Variants in ZNF599 observed in about 807,000 individuals in gnomAD.
The protein encoded by ZNF599 is zinc finger protein 599.
Under a neutral mutation model 11.7 loss-of-function variants are expected in ZNF599, and 10 were observed. The observed-to-expected ratio is 0.86, with a 90% CI of 0.53 to 1.45. ZNF599 has a LOEUF of 1.45. Among genes scored for constraint, ZNF599 ranks in the 40% most tolerant of loss-of-function variants. The pLI is 0.00. For synonymous variants in ZNF599, 232 were observed against 253.2 expected, an observed-to-expected ratio of 0.92 and a Z score of 0.79; for missense variants, 688 against 713.6, an observed-to-expected ratio of 0.96 and a Z score of 0.41.
intron 1 of ZNF599, among the ~76,000 whole-genome samples, chr19:34,770,263 T>A (rs1039823857): frequency 1.3e-5 from 2 of 152,262 alleles, no homozygotes; most frequent in East Asian, 3.8e-4. Flanking sequence ...CAGAGTTGTA[T>A]GTCTAATGAG....
chr19:34,769,488 G>A lies in ZNF599; in HGVS notation c.86C>T (p.Ala29Val), dbSNP rs1449963356. 6.2e-7 allele frequency: 1 copy of A among 1,614,218 alleles called. No individual in the cohort carries two copies. The highest frequency in any genetic ancestry group is 8.5e-7 in the Non-Finnish European group (1 of 1,180,022). The change falls in exon 2 of 4, where the codon GCC becomes GTC. Residue 29 changes from alanine (A) to valine (V), a missense_variant. Ala to Val is a moderately conservative substitution (Grantham distance 64). Coordinates refer to ENST00000329285, the MANE Select transcript of ZNF599 (RefSeq NM_001007248.3). ...CACCTCCTGGTACAGGGTCCTCTGGGCCAGGTCCAGGTGCCCCCATTCCTC... is the reference window on the plus strand; with the variant it reads ...CACCTCCTGGTACAGGGTCCTCTGGACCAGGTCCAGGTGCCCCCATTCCTC... The part of the protein sequence containing the change: ...TGEEWGHLDL[A>V]QRTLYQEVML...
upstream of ZNF599, among the ~76,000 whole-genome samples, chr19:34,773,778 T>C (rs1176256811): frequency 3.3e-5 from 5 of 152,304 alleles, no homozygotes; most frequent in South Asian, 1.0e-3. Context: ...ACCAGACTCT[T>C]TAAATTCCAG....
At chr19:34,801,295 A>G in the ZNF599 span, among the ~76,000 whole-genome samples, 6 of 152,258 alleles carry the variant, frequency 3.9e-5, no homozygotes. Flanking sequence ...GTACATGGAC[A>G]GAGAATTTTC....
chr19:34,779,185 C>T, the ZNF599 span, among the ~76,000 whole-genome samples: 3 of 151,382 alleles, frequency 2.0e-5, no homozygotes, highest in South Asian at 4.2e-4. Flanking sequence ...AAGCAATCTT[C>T]CCACCACAGC....
intron 3 of ZNF599, among the ~76,000 whole-genome samples, chr19:34,766,571 G>T (rs1375240742): frequency 6.6e-6 from 1 of 152,180 alleles, no homozygotes; most frequent in Non-Finnish European, 1.5e-5. Flanking sequence ...AGCCACTCCG[G>T]GTCAGGCAGT....
At chr19:34,796,937 A>G in the ZNF599 span, among the ~76,000 whole-genome samples, 1 of 151,904 alleles carries the variant, frequency 6.6e-6, no homozygotes, top group Non-Finnish European at 1.5e-5. Context: ...CATGGTTGGC[A>G]TATCTCCAAA....
In ZNF599 at chr19:34,759,362, T is replaced by A. The variant is rs149200250; in HGVS notation, c.1439A>T (p.Glu480Val). ...NRTHSGQKPL[E>V]CKECAKAFYY... ...AAAGGCTTTTGCACATTCTTTGCAC[T>A]CCAAGGGTTTTTGTCCACTGTGGGT... The change falls in exon 4 of 4, where the codon GAG (glutamate) becomes GTG (valine). Residue 480 changes from glutamate (E) to valine (V), a missense_variant. By Grantham distance (121) the Glu-to-Val change is moderately radical (BLOSUM62 -2). Coordinates refer to ENST00000329285, the MANE Select transcript of ZNF599 (RefSeq NM_001007248.3). 359 of 1,613,674 alleles carry A rather than the reference T, an allele frequency of 2.2e-4. 2 individuals carry two copies. The African/African-American group carries it at 4.4e-3, about 20-fold the overall frequency.
chr19:34,772,620 C>G, intron 1 of ZNF599: 2 of 1,368,874 alleles, frequency 1.5e-6, no homozygotes, highest in Non-Finnish European at 1.9e-6. Context: ...ACAGGGACCT[C>G]TCCTTACAAC....
upstream of ZNF599, among the ~76,000 whole-genome samples, chr19:34,774,057 A>T (rs2069204232): frequency 6.6e-6 from 1 of 152,236 alleles, no homozygotes. Flanking sequence ...ACGTTGCAGC[A>T]TTTGGCGTAT....
chr19:34,759,985 C>G lies in ZNF599; in HGVS notation c.816G>C (p.Glu272Asp), dbSNP rs141702315. The change falls in exon 4 of 4, where the codon GAG becomes GAC. Residue 272 changes from glutamate (E) to aspartate (D), a missense_variant. Glu to Asp is a conservative substitution (Grantham distance 45, BLOSUM62 2). Transcript: ENST00000329285. Reference sequence around the variant, plus strand: ...TATCTCCGGTGTGAATACGCTGGTGCTCCGTGAGGTGAAACCTGCGTTTGA... The same window carrying G: ...TATCTCCGGTGTGAATACGCTGGTGGTCCGTGAGGTGAAACCTGCGTTTGA... ...KAFKRRFHLT[E>D]HQRIHTGDKP... The G allele has an allele frequency of 4.3e-6, 7 of 1,614,196 alleles. No individual in the cohort carries two copies. The South Asian group carries it at 7.7e-5, about 18-fold the overall frequency.
intron 1 of ZNF599, among the ~76,000 whole-genome samples, chr19:34,770,415 CACTCCTGAAAATATTGCCAGAGGT>C (rs1298109032): frequency 1.3e-5 from 2 of 152,194 alleles, no homozygotes; most frequent in Non-Finnish European, 2.9e-5. Context: ...CAATTTCAGC[CACTCCTGAAAATATTGCCAGAGGT>C]ATGGAAGGAA....
intron 3 of ZNF599, among the ~76,000 whole-genome samples, chr19:34,761,097 G>C (rs1157455365): frequency 6.6e-6 from 1 of 152,132 alleles, no homozygotes; most frequent in African/African-American, 2.4e-5. Flanking sequence ...TTGAGAGAAT[G>C]CTGATTGCTG....
At chr19:34,777,563 G>A (rs567620700), upstream of ZNF599, among the ~76,000 whole-genome samples, 185 of 119,664 alleles carry the variant, frequency 1.5e-3, no homozygotes, top group African/African-American at 5.6e-3. Context: ...ATAATATTAT[G>A]TATAAATATA....
chr19:34,784,666 C>A, the ZNF599 span, among the ~76,000 whole-genome samples: 1 of 151,968 alleles, frequency 6.6e-6, no homozygotes, highest in East Asian at 1.9e-4. Context: ...CCTAGTGTGT[C>A]CAGAGACTGG....
intron 1 of ZNF599, chr19:34,772,550 T>C (rs1292247180): frequency 3.0e-6 from 4 of 1,343,220 alleles, no homozygotes; most frequent in South Asian, 1.9e-5. Flanking sequence ...ACTCGCATTT[T>C]AGACCCGAGG....
At chr19:34,804,941 A>G in the ZNF599 span, among the ~76,000 whole-genome samples, 1 of 152,164 alleles carries the variant, frequency 6.6e-6, no homozygotes, top group African/African-American at 2.4e-5. Context: ...TCGGTATTGC[A>G]CAAAACCCTC....
chr19:34,780,645 AAG>A, the ZNF599 span, among the ~76,000 whole-genome samples: 579 of 137,310 alleles, frequency 4.2e-3, 15 homozygotes, highest in East Asian at 0.081. Context: ...AAAGGAAAGA[AAG>A]AGAGAGGGGG....
chr19:34,775,712 A>G (rs1325528410), upstream of ZNF599, among the ~76,000 whole-genome samples: 1 of 152,250 alleles, frequency 6.6e-6, no homozygotes, highest in African/African-American at 2.4e-5. Context: ...AGACCAAACC[A>G]AAGTTTGTGT....
chr19:34,780,761 G>A, the ZNF599 span, among the ~76,000 whole-genome samples: 1 of 149,062 alleles, frequency 6.7e-6, no homozygotes, highest in Non-Finnish European at 1.5e-5. Flanking sequence ...AGAAAGAAAA[G>A]GAAGGAAGGA....
Sources: allele counts gnomAD v4.1 joint callset (sites outside exome capture counted in the v4.1 genomes callset), GRCh38; gene constraint gnomAD v4.1.1; transcripts MANE v1.5; gene names NCBI Gene and HGNC (gene_info 2026-07-23, HGNC 2026-07-21).